The following DIAPH2 variants were observed in gnomAD, a reference collection of about 807,000 sequenced individuals.
The protein encoded by DIAPH2 is protein diaphanous homolog 2.
DIAPH2 carries 35 observed loss-of-function variants against 92.7 expected under a neutral mutation model. The ratio of observed to expected loss-of-function variants is 0.38; its 90% CI spans 0.29 to 0.50. The LOEUF is 0.50. Ranked by LOEUF, DIAPH2 falls within the 20% of genes least tolerant of loss-of-function variation. The probability of loss-of-function intolerance (pLI) is 0.94; values close to 1 mark genes in which losing one functional copy is unlikely to be tolerated. For synonymous variants in DIAPH2, 301 were observed against 280.4 expected, an observed-to-expected ratio of 1.07 and a Z score of -0.73; for missense variants, 701 against 819.5, an observed-to-expected ratio of 0.86 and a Z score of 1.77.
Position 97,593,044 on chromosome X carries a change from C to T in DIAPH2, c.3242-6209C>T, listed in dbSNP as rs1193043558. ...TATTTAATTGCTAAGTGGAGGTAAT[C>T]GATTGGCTTCTAGACGAGTACCCAT... On this transcript the variant is annotated intron_variant, in intron 26 of 26. Transcript: ENST00000324765. 2.7e-5 allele frequency among the ~76,000 whole-genome samples: 3 copies of T among 111,832 alleles called. No homozygotes were observed. In the East Asian group the frequency reaches 8.4e-4, roughly 31 times the overall value.
At chrX:97,447,590 AG>A (rs999471504) in intron 26 of DIAPH2, among the ~76,000 whole-genome samples, 12 of 111,634 alleles carry the variant, frequency 1.1e-4, no homozygotes, top group African/African-American at 3.9e-4. Context: ...AACCCAAAGC[AG>A]GGGGCTGTGT....
At chrX:96,872,394 G>A (rs929498146) in intron 4 of DIAPH2, among the ~76,000 whole-genome samples, 1 of 110,764 alleles carries the variant, frequency 9.0e-6, no homozygotes, top group Non-Finnish European at 1.9e-5. Flanking sequence ...TTAACCTAAT[G>A]TCCTTCAGTT....
intron 24 of DIAPH2, among the ~76,000 whole-genome samples, chrX:97,363,992 G>T (rs1196829155): frequency 1.8e-5 from 2 of 112,032 alleles, no homozygotes; most frequent in South Asian, 7.5e-4. Flanking sequence ...GTACTAATGT[G>T]TCACTCATTC....
intron 17 of DIAPH2, among the ~76,000 whole-genome samples, chrX:97,042,164 A>C (rs1382930563): frequency 1.8e-5 from 2 of 111,402 alleles, no homozygotes; most frequent in African/African-American, 3.3e-5. Flanking sequence ...CACTGCTTAG[A>C]ATTTGTTGTG....
intron 16 of DIAPH2, among the ~76,000 whole-genome samples, chrX:96,959,080 A>G (rs891640194): frequency 9.0e-5 from 10 of 111,526 alleles, no homozygotes; most frequent in Admixed American, 1.9e-4. Flanking sequence ...TCTTTGATAT[A>G]CTGATTTCCT....
chrX:96,746,547 G>GT (rs1219641884), intron 3 of DIAPH2, among the ~76,000 whole-genome samples: 7 of 108,461 alleles, frequency 6.5e-5, no homozygotes, highest in Admixed American at 2.0e-4. Flanking sequence ...TTTTTCTTTT[G>GT]TTTTTTTTGT....
At chrX:97,274,024 T>C (rs1465067892) in intron 23 of DIAPH2, among the ~76,000 whole-genome samples, 1 of 106,345 alleles carries the variant, frequency 9.4e-6, no homozygotes, top group Non-Finnish European at 2.0e-5. Context: ...TGTGTGTGTG[T>C]GTGTGTGTGT....
At chrX:97,090,128 G>A (rs1282648814) in intron 19 of DIAPH2, among the ~76,000 whole-genome samples, 1 of 111,447 alleles carries the variant, frequency 9.0e-6, no homozygotes, top group African/African-American at 3.3e-5. Flanking sequence ...TAGGTTATAT[G>A]TATAGATAAT....
At chrX:97,306,460 A>T (rs1235062403) in intron 23 of DIAPH2, among the ~76,000 whole-genome samples, 1 of 111,119 alleles carries the variant, frequency 9.0e-6, no homozygotes, top group Non-Finnish European at 1.9e-5. Context: ...TTTCATACAG[A>T]CCTATCATTA....
chrX:96,961,493 C>T (rs909820082), intron 16 of DIAPH2, among the ~76,000 whole-genome samples: 7 of 88,919 alleles, frequency 7.9e-5, no homozygotes, highest in Non-Finnish European at 1.3e-4. Flanking sequence ...TGTTTTGTTG[C>T]TCTTTTGTAT....
chrX:97,090,752 G>C (rs2066819390), intron 19 of DIAPH2, among the ~76,000 whole-genome samples: 1 of 111,334 alleles, frequency 9.0e-6, no homozygotes, highest in South Asian at 3.8e-4. Context: ...AAGACTATCT[G>C]AGAACAGAAG....
intron 25 of DIAPH2, among the ~76,000 whole-genome samples, chrX:97,398,999 C>T (rs752680494): frequency 1.9e-3 from 212 of 110,821 alleles, no homozygotes; most frequent in African/African-American, 6.8e-3. Context: ...CCTGCCTCGG[C>T]CTCCCAAAGT....
At position 97,601,056 on chromosome X, in the gene DIAPH2, C is replaced by G. The variant is rs922601774; in HGVS notation, c.*1739C>G. The G allele has an allele frequency of 1.2e-4, 14 of 112,586 alleles. No individual in the cohort carries two copies. The highest frequency in any genetic ancestry group is 4.2e-4 in the African/African-American group (13 of 31,050). The allele number at this position is 112,586 out of a possible 1,213,427, so 9.3% of individuals were successfully genotyped here. Reference sequence around the variant, plus strand: ...ATACACAAATGCACACACATGCACACACACATTTAAGGGACATAGCAGTAA... The same window carrying G: ...ATACACAAATGCACACACATGCACAGACACATTTAAGGGACATAGCAGTAA... On this transcript the variant is annotated 3_prime_UTR_variant, in exon 27 of 27. Transcript: ENST00000324765.
At chrX:96,935,833 A>C (rs2065653843) in intron 10 of DIAPH2, among the ~76,000 whole-genome samples, 1 of 111,848 alleles carries the variant, frequency 8.9e-6, no homozygotes, top group African/African-American at 3.2e-5. Flanking sequence ...TTTCTGAAAT[A>C]TTTGAAAGTG....
Position 97,492,465 on chromosome X carries a change from T to A in DIAPH2, c.3241+62720T>A, listed in dbSNP as rs563825650. On this transcript the variant is annotated intron_variant, in intron 26 of 26. Transcript: ENST00000324765. ...CTATATCTATATTATATATATATAG[T>A]ATTCTGTGTTTGTCTGTATGCTTGC... is the stretch of plus-strand genomic sequence containing the variant. 3.8e-4 allele frequency among the ~76,000 whole-genome samples: 42 copies of A among 111,010 alleles called. No homozygotes were observed. In the South Asian group the frequency reaches 0.016, roughly 42 times the overall value.
chrX:97,004,689 T>C (rs749038476), intron 17 of DIAPH2, among the ~76,000 whole-genome samples: 69 of 112,334 alleles, frequency 6.1e-4, no homozygotes, highest in African/African-American at 2.1e-3. Context: ...TCAGCTCTTA[T>C]AGTTTTTTGA....
intron 21 of DIAPH2, among the ~76,000 whole-genome samples, chrX:97,115,511 A>G (rs1357902410): frequency 9.0e-6 from 1 of 111,349 alleles, no homozygotes; most frequent in Admixed American, 9.6e-5. Flanking sequence ...ACTCCAGCCT[A>G]AGCAACAGAG....
intron 26 of DIAPH2, among the ~76,000 whole-genome samples, chrX:97,559,870 G>A (rs1198653706): frequency 1.8e-5 from 2 of 111,897 alleles, no homozygotes. Flanking sequence ...ATTGGGATAG[G>A]TATCACTTCA....
intron 21 of DIAPH2, among the ~76,000 whole-genome samples, chrX:97,119,691 G>A (rs1389928186): frequency 9.0e-6 from 1 of 111,654 alleles, no homozygotes; most frequent in Non-Finnish European, 1.9e-5. Context: ...GTCTAGGCAT[G>A]TCTGACCTCA....
Sources: gnomAD v4.1 joint callset for allele counts (sites outside exome capture counted in the v4.1 genomes callset) on GRCh38, gnomAD v4.1.1 for gene constraint, MANE v1.5 for transcripts, NCBI Gene and HGNC (gene_info 2026-07-23, HGNC 2026-07-21) for gene names.